The following CAP2 variants were observed in gnomAD, a reference collection of about 807,000 sequenced individuals.
CAP2 encodes adenylyl cyclase-associated protein 2.
Under a neutral mutation model 57.7 loss-of-function variants are expected in CAP2, and 24 were observed. That is an observed-to-expected ratio of 0.42 (90% confidence interval 0.30 to 0.58). CAP2 has a LOEUF of 0.58. Among genes scored for constraint, CAP2 ranks in the 20% least tolerant of loss-of-function variants. CAP2 has a pLI of 0.22. For synonymous variants in CAP2, 194 were observed against 207.2 expected, an observed-to-expected ratio of 0.94 and a Z score of 0.55; for missense variants, 501 against 590.3, an observed-to-expected ratio of 0.85 and a Z score of 1.57.
intron 12 of CAP2, among the ~76,000 whole-genome samples, chr6:17,555,554 A>ATT (rs1423209863): frequency 6.7e-6 from 1 of 149,988 alleles, no homozygotes; most frequent in Admixed American, 6.7e-5. Flanking sequence ...TATTATTATT[A>ATT]TTATTTTATT....
chr6:17,536,389 C>G, intron 7 of CAP2: 1 of 439,244 alleles, frequency 2.3e-6, no homozygotes, highest in South Asian at 1.6e-5. Context: ...AAACAAGAGC[C>G]CGGTATTGTG....
At chr6:17,551,648 T>C in intron 12 of CAP2, 44 bp downstream of exon 12, 3 of 1,467,252 alleles carry the variant, frequency 2.0e-6, no homozygotes, top group Non-Finnish European at 2.8e-6. Context: ...TCTGGAGCCT[T>C]CATTATTAAC....
At chr6:17,550,232 C>T (rs1210283265) in intron 11 of CAP2, among the ~76,000 whole-genome samples, 1 of 150,996 alleles carries the variant, frequency 6.6e-6, no homozygotes, top group East Asian at 1.9e-4. Flanking sequence ...AGTGACAGAG[C>T]AAGACTCTAT....
chr6:17,490,316 A>C (rs1581563621), intron 4 of CAP2, among the ~76,000 whole-genome samples: 1 of 152,188 alleles, frequency 6.6e-6, no homozygotes, highest in African/African-American at 2.4e-5. Flanking sequence ...ATCTGTGGCT[A>C]TCTCTTTCTG....
intron 3 of CAP2, among the ~76,000 whole-genome samples, chr6:17,436,082 T>C (rs9477428): frequency 2.5e-4 from 19 of 77,436 alleles, no homozygotes; most frequent in African/African-American, 7.8e-4. Flanking sequence ...TCTTTCTTTC[T>C]TTCTTTCCTT....
intron 4 of CAP2, among the ~76,000 whole-genome samples, chr6:17,474,555 C>G (rs1761100777): frequency 6.6e-6 from 1 of 152,132 alleles, no homozygotes; most frequent in African/African-American, 2.4e-5. Context: ...CTATAGTAGT[C>G]AGAGCACTTA....
In CAP2 at chr6:17,551,604, T is replaced by C. The variant is rs1407561650; in HGVS notation, c.1350T>C (p.Tyr450=). 1 of 1,580,654 alleles carries C rather than the reference T, an allele frequency of 6.3e-7. No individual in the cohort carries two copies. The highest frequency in any genetic ancestry group is 8.6e-7 in the Non-Finnish European group (1 of 1,164,536). Residue 450 remains tyrosine, a splice_region_variant and synonymous_variant, in exon 12 of 13, where the codon TAT becomes TAC. Transcript: ENST00000229922. ...TACTTATCCCTCAGGATGGTGATTA[T>C]GTAAGTACCTTTCAAAAGGCTGTCA... ...MNILIPQDGD[Y]REFPIPEQFK... is the part of the protein sequence containing the mutation.
intron 7 of CAP2, among the ~76,000 whole-genome samples, chr6:17,532,699 G>T (rs981526101): frequency 4.0e-5 from 6 of 149,376 alleles, no homozygotes; most frequent in Admixed American, 4.0e-4. Flanking sequence ...AGTGAGCTGA[G>T]ATCACGCCAC....
At chr6:17,461,914 A>G (rs1352030718) in intron 3 of CAP2, among the ~76,000 whole-genome samples, 4 of 140,858 alleles carry the variant, frequency 2.8e-5, no homozygotes, top group African/African-American at 7.9e-5. Flanking sequence ...AATGGCATGA[A>G]CCTGGGGGGC....
chr6:17,512,752 A>T lies in CAP2; in HGVS notation c.531-1097A>T, dbSNP rs550016092. Among the ~76,000 whole-genome samples, 15 of 152,376 alleles carry T rather than the reference A, an allele frequency of 9.8e-5. No individual in the cohort carries two copies. The East Asian group carries it at 2.1e-3, about 22-fold the overall frequency. ...ACATCTAAAAATGTAGAACAAAACC[A>T]CACTCACATTTTTTCTATTTGTGGA... On this transcript the variant is annotated intron_variant, in intron 6 of 12. Coordinates refer to ENST00000229922, the MANE Select transcript of CAP2 (RefSeq NM_006366.3).
At chr6:17,440,640 T>TGTGG (rs1164775539) in intron 3 of CAP2, among the ~76,000 whole-genome samples, 1 of 150,998 alleles carries the variant, frequency 6.6e-6, no homozygotes, top group African/African-American at 2.5e-5. Context: ...TGTGTGTGTG[T>TGTGG]GTGTGGTCAT....
intron 4 of CAP2, chr6:17,493,328 T>A: frequency 3.5e-6 from 1 of 283,650 alleles, no homozygotes; most frequent in Non-Finnish European, 7.7e-6. Flanking sequence ...CCTCAATTTG[T>A]TAAGATATGA....
At chr6:17,428,633 G>A (rs1759649079) in intron 3 of CAP2, among the ~76,000 whole-genome samples, 1 of 143,572 alleles carries the variant, frequency 7.0e-6, no homozygotes, top group South Asian at 2.5e-4. Flanking sequence ...GTGGGATGGG[G>A]GGAGGGGGGA....
intron 3 of CAP2, among the ~76,000 whole-genome samples, chr6:17,455,826 CGCCCA>C (rs1760552557): frequency 6.6e-6 from 1 of 152,196 alleles, no homozygotes; most frequent in African/African-American, 2.4e-5. Context: ...TGAGCCACCG[CGCCCA>C]GCCTAAACTT....
intron 7 of CAP2, among the ~76,000 whole-genome samples, chr6:17,537,716 TATTTA>T (rs1200946634): frequency 6.6e-6 from 1 of 152,192 alleles, no homozygotes; most frequent in Non-Finnish European, 1.5e-5. Flanking sequence ...GCTTCGTGAC[TATTTA>T]ATTTGTTTAT....
chr6:17,471,450 A>G (rs905380479), intron 4 of CAP2, among the ~76,000 whole-genome samples: 3 of 152,236 alleles, frequency 2.0e-5, no homozygotes, highest in Non-Finnish European at 4.4e-5. Flanking sequence ...ACTGTTAATT[A>G]TATGTGCACA....
intron 3 of CAP2, among the ~76,000 whole-genome samples, chr6:17,445,799 A>T (rs1421465302): frequency 1.3e-5 from 2 of 152,216 alleles, no homozygotes; most frequent in Admixed American, 6.5e-5. Flanking sequence ...ACATTCTCCC[A>T]TAGACATTTC....
At chr6:17,444,448 C>T (rs571700388) in intron 3 of CAP2, among the ~76,000 whole-genome samples, 15 of 152,046 alleles carry the variant, frequency 9.9e-5, no homozygotes, top group Admixed American at 6.5e-4. Context: ...ACCATCCTGG[C>T]CAACATGGTG....
chr6:17,555,689 G>A (rs1008403427), intron 12 of CAP2, among the ~76,000 whole-genome samples: 1 of 151,738 alleles, frequency 6.6e-6, no homozygotes. Context: ...TCAGCCTCCC[G>A]AGTAGCTGAG....
Sources: gnomAD v4.1 joint callset for allele counts (sites outside exome capture counted in the v4.1 genomes callset) on GRCh38, gnomAD v4.1.1 for gene constraint, MANE v1.5 for transcripts, NCBI Gene and HGNC (gene_info 2026-07-23, HGNC 2026-07-21) for gene names.